RBBP4: variants seen among roughly 807,000 people sequenced by gnomAD.
RBBP4 encodes the protein RB binding protein 4, chromatin remodeling factor.
Under a neutral mutation model 57.2 loss-of-function variants are expected in RBBP4, and 3 were observed. The observed-to-expected ratio is 0.05, with a 90% CI of 0.02 to 0.14. The LOEUF is 0.14. Among genes scored for constraint, RBBP4 ranks in the 10% least tolerant of loss-of-function variants. RBBP4 has a pLI of 1.00. For missense variants in RBBP4, 107 were observed against 520.6 expected (o/e 0.21, Z 7.73); for synonymous variants, 151 against 171.5 (o/e 0.88, Z 0.93).
At chr1:32,665,108 A>G (rs61652300) in intron 3 of RBBP4, among the ~76,000 whole-genome samples, 16,801 of 152,154 alleles carry the variant, frequency 0.11, 1,712 homozygotes, top group African/African-American at 0.26. Context: ...CGCACAATAA[A>G]ACGAGCTATG....
At chr1:32,653,697 T>G (rs890725077) in intron 2 of RBBP4, among the ~76,000 whole-genome samples, 16 of 121,944 alleles carry the variant, frequency 1.3e-4, no homozygotes, top group Non-Finnish European at 2.6e-4. Flanking sequence ...TCTCCTCTCT[T>G]GCCCAGGCTG....
rs1487161509 is a variant in RBBP4 at position 32,680,464 on chromosome 1, AT to A, written c.*760del. ...CTGTCAAGTTGAGAAGAGTGAATCA[AT>A]AACTTGTATTTGTTTTAAAAATTAA... On this transcript the variant is annotated 3_prime_UTR_variant, in exon 12 of 12. Coordinates refer to ENST00000373493, the MANE Select transcript of RBBP4 (RefSeq NM_005610.3). The A allele has an allele frequency of 6.5e-7, 1 of 1,535,276 alleles. No individual in the cohort carries two copies. Among genetic ancestry groups the A allele is most frequent in the African/African-American group, 1.4e-5 (1 of 71,872 alleles).
intron 3 of RBBP4, among the ~76,000 whole-genome samples, chr1:32,659,138 T>TTA (rs951671987): frequency 1.4e-5 from 2 of 145,044 alleles, no homozygotes; most frequent in Non-Finnish European, 3.1e-5. Context: ...CATATAAATT[T>TTA]TATATATATA....
intron 2 of RBBP4, among the ~76,000 whole-genome samples, chr1:32,653,286 A>G (rs1647972373): frequency 6.6e-6 from 1 of 152,200 alleles, no homozygotes; most frequent in Admixed American, 6.5e-5. Flanking sequence ...AATTTAGATG[A>G]TATTAACATA....
chr1:32,676,546 G>A (rs1649107307), intron 11 of RBBP4, among the ~76,000 whole-genome samples: 1 of 150,666 alleles, frequency 6.6e-6, no homozygotes, highest in South Asian at 2.1e-4. Flanking sequence ...GGAGGCGGAG[G>A]AGTTGCGGTG....
chr1:32,664,978 AAATAAT>A (rs946204769), intron 3 of RBBP4, among the ~76,000 whole-genome samples: 10 of 152,188 alleles, frequency 6.6e-5, no homozygotes, highest in African/African-American at 1.7e-4. Context: ...TTGCTAAAAA[AAATAAT>A]AATAATAATG....
chr1:32,684,505 A>AT lies in RBBP4; in HGVS notation c.*4803dup. The AT allele has an allele frequency of 6.5e-6, 9 of 1,374,182 alleles. No individual in the cohort carries two copies. The highest frequency in any genetic ancestry group is 8.9e-6 in the Non-Finnish European group (9 of 1,012,130). 85.1% of individuals were successfully genotyped at this position (1,374,182 alleles called of 1,614,324 possible). On this transcript the variant is annotated 3_prime_UTR_variant, in exon 12 of 12. Transcript: ENST00000373493. ...TCTTGATAGCAGTATTGAGGCTGGT[A>AT]TTTATATGATAGGTTATGAAACAGG...
chr1:32,651,581 C>T (rs1295430550), intron 1 of RBBP4: 6 of 1,007,256 alleles, frequency 6.0e-6, no homozygotes, highest in Non-Finnish European at 8.1e-6. Context: ...ATCGGTTTCT[C>T]GGCCTCTGTC....
In RBBP4 at chr1:32,651,567, C is replaced by G. The variant is rs569814863; in HGVS notation, c.16+245C>G. 20 of 1,084,000 alleles carry G rather than the reference C, an allele frequency of 1.8e-5. No individual in the cohort carries two copies. In the African/African-American group the frequency reaches 3.1e-4, roughly 17 times the overall value. 67.1% of individuals were successfully genotyped at this position (1,084,000 alleles called of 1,614,324 possible). A position where few individuals can be genotyped will look rare whatever the true frequency, so the allele number is the denominator to read the frequency against. The stretch of plus-strand genomic sequence containing the variant: ...CAGTGTTTGTTTCTCTTCCTGCCTC[C>G]GATATCGGTTTCTCGGCCTCTGTCC... On this transcript the variant is annotated intron_variant, in intron 1 of 11. Transcript: ENST00000373493.
chr1:32,678,242 G>C lies in RBBP4; in HGVS notation c.1213-1398G>C, dbSNP rs967565195. Among the ~76,000 whole-genome samples, 33 of 151,760 alleles carry C rather than the reference G, an allele frequency of 2.2e-4. 1 individual carries two copies. The highest frequency in any genetic ancestry group is 7.7e-4 in the African/African-American group (32 of 41,316). On this transcript the variant is annotated intron_variant, in intron 11 of 11. Transcript: ENST00000373493. ...ATGGATTTGCCTGTTTTGGACCCCT[G>C]TTTTTTTTAGACGAAGTCTTGCCCC...
Position 32,684,400 on chromosome 1 carries a change from G to T in RBBP4, c.*4695G>T. 6.2e-7 allele frequency: 1 copy of T among 1,613,966 alleles called. No individual in the cohort carries two copies. Among genetic ancestry groups the T allele is most frequent in the Non-Finnish European group, 8.5e-7 (1 of 1,179,998 alleles). Reference sequence around the variant, plus strand: ...AGCTGTTCCTGCATGAGATGGCCAAGAACATTTCTAATGAGCCAAACAATA... The same window carrying T: ...AGCTGTTCCTGCATGAGATGGCCAATAACATTTCTAATGAGCCAAACAATA... On this transcript the variant is annotated 3_prime_UTR_variant, in exon 12 of 12. Transcript: ENST00000373493.
chr1:32,680,000 T>C lies in RBBP4; in HGVS notation c.*295T>C, dbSNP rs1649321473. ...TGTGATTATTTTTCTTCTTATGCTA[T>C]ATCCCCAAGTTTTTCAGACTCATTT... On this transcript the variant is annotated 3_prime_UTR_variant, in exon 12 of 12. Coordinates refer to ENST00000373493, the MANE Select transcript of RBBP4 (RefSeq NM_005610.3). 11 of 1,156,450 alleles carry C rather than the reference T, an allele frequency of 9.5e-6. No homozygotes were observed. The highest frequency in any genetic ancestry group is 1.2e-5 in the Non-Finnish European group (11 of 939,838). 71.6% of individuals were successfully genotyped at this position (1,156,450 alleles called of 1,614,324 possible).
rs1424865403 is a variant in RBBP4 at position 32,669,088 on chromosome 1, T to C, written c.717T>C (p.His239=). ...AAGATGTTTCCTGGCATCTACTCCA[T>C]GAGTCTCTGTTTGGGTCAGTTGCTG... ...VVEDVSWHLL[H]ESLFGSVADD... Residue 239 remains histidine, a synonymous_variant, in exon 6 of 12, where the codon CAT becomes CAC. Coordinates refer to ENST00000373493, the MANE Select transcript of RBBP4 (RefSeq NM_005610.3). This position sits in a 1 kb window ranked among gnomAD's most constrained non-coding sequence, Gnocchi z 4.9. 23 of 1,614,186 alleles carry C rather than the reference T, an allele frequency of 1.4e-5. No individual in the cohort carries two copies. Among genetic ancestry groups the C allele is most frequent in the Non-Finnish European group, 1.9e-5 (22 of 1,180,018 alleles).
rs1034558223 is a variant in RBBP4 at position 32,685,237 on chromosome 1, C to T, written c.*5532C>T. The T allele has an allele frequency of 1.3e-5, 2 of 152,164 alleles. No individual in the cohort carries two copies. The highest frequency in any genetic ancestry group is 2.9e-5 in the Non-Finnish European group (2 of 68,044). The allele number at this position is 152,164 out of a possible 1,614,324, so 9.4% of individuals were successfully genotyped here. A position where few individuals can be genotyped will look rare whatever the true frequency, so the allele number is the denominator to read the frequency against. On this transcript the variant is annotated 3_prime_UTR_variant, in exon 12 of 12. Coordinates refer to ENST00000373493, the MANE Select transcript of RBBP4 (RefSeq NM_005610.3). The stretch of plus-strand genomic sequence containing the variant: ...GGTATGCACAGGAGGCCCTTGGGAG[C>T]CCTCAGATAACTTTCTCATTCTTCC...
Position 32,651,981 on chromosome 1 carries a change from C to T in RBBP4, c.84C>T (p.Thr28=), listed in dbSNP as rs775795167. ...AATACAAAATATGGAAAAAGAACAC[C>T]CCTTTTCTTTATGATTTGGTGATGA... ...NEEYKIWKKN[T]PFLYDLVMTH... The change falls in exon 2 of 12, where the codon ACC becomes ACT. Residue 28 remains threonine (T), a synonymous_variant. Coordinates refer to ENST00000373493, the MANE Select transcript of RBBP4 (RefSeq NM_005610.3). 7.6e-5 allele frequency: 122 copies of T among 1,613,728 alleles called. No homozygotes were observed. The Middle Eastern group carries it at 7.1e-3, about 94-fold the overall frequency.
rs1647582861 is a variant in RBBP4 at position 32,651,295 on chromosome 1, C to T, written c.-12C>T. On this transcript the variant is annotated 5_prime_UTR_variant, in exon 1 of 12. Coordinates refer to ENST00000373493, the MANE Select transcript of RBBP4 (RefSeq NM_005610.3). ...GCTCGACCCCAGGATTCCCCCGGCT[C>T]GCCTGCCCGCCATGGCCGACAAGGA... 3 of 1,479,092 alleles carry T rather than the reference C, an allele frequency of 2.0e-6. No homozygotes were observed. The highest frequency in any genetic ancestry group is 2.6e-5 in the South Asian group (2 of 76,124). 91.6% of individuals were successfully genotyped at this position (1,479,092 alleles called of 1,614,324 possible). A position where few individuals can be genotyped will look rare whatever the true frequency, so the allele number is the denominator to read the frequency against.
At position 32,684,179 on chromosome 1, in the gene RBBP4, A is replaced by G. The variant is rs1048038151; in HGVS notation, c.*4474A>G. The stretch of plus-strand genomic sequence containing the variant: ...AAATCCTCTTTTTGTTTTTGATTCT[A>G]AGGTAAAATTTTCCCTAAGCCCTCC... On this transcript the variant is annotated 3_prime_UTR_variant, in exon 12 of 12. Coordinates refer to ENST00000373493, the MANE Select transcript of RBBP4 (RefSeq NM_005610.3). 16 of 1,605,326 alleles carry G rather than the reference A, an allele frequency of 1.0e-5. No individual in the cohort carries two copies. Among genetic ancestry groups the G allele is most frequent in the Non-Finnish European group, 1.3e-5 (15 of 1,174,588 alleles).
chr1:32,651,526 C>T, intron 1 of RBBP4: 1 of 1,311,068 alleles, frequency 7.6e-7, no homozygotes, highest in Non-Finnish European at 9.9e-7. Flanking sequence ...GCGAAGCCAG[C>T]GGTGGGGCCC....
At chr1:32,657,720 G>C in intron 3 of RBBP4, 148 bp downstream of exon 3, 1 of 873,826 alleles carries the variant, frequency 1.1e-6, no homozygotes, top group South Asian at 2.4e-5. Flanking sequence ...ATTTATATTA[G>C]AGTTTTAGGT....
Sources: allele counts gnomAD v4.1 joint callset (sites outside exome capture counted in the v4.1 genomes callset), GRCh38; gene constraint gnomAD v4.1.1; non-coding constraint Gnocchi (gnomAD v3.1); transcripts MANE v1.5; gene names NCBI Gene and HGNC (gene_info 2026-07-23, HGNC 2026-07-21).